The following KCTD9 variants were observed in gnomAD, a reference collection of about 807,000 sequenced individuals.
The protein encoded by KCTD9 is potassium channel tetramerization domain containing 9.
A neutral mutation model predicts 53.3 loss-of-function variants in KCTD9; 17 were observed. The ratio of observed to expected loss-of-function variants is 0.32; its 90% CI spans 0.22 to 0.48. The LOEUF (loss-of-function observed/expected upper bound fraction) is 0.48. Ranked by LOEUF, KCTD9 falls within the 20% of genes least tolerant of loss-of-function variation. The pLI is 0.99. For missense variants in KCTD9, 179 were observed against 465.5 expected, an observed-to-expected ratio of 0.38 and a Z score of 5.66; for synonymous variants, 128 against 162.7, an observed-to-expected ratio of 0.79 and a Z score of 1.62.
In KCTD9 at chr8:25,439,259, G is replaced by C. The variant is rs199536181; in HGVS notation, c.499+20C>G. ...ATGTGAGTAGTTACATAATTATATTGAAAGTCTAAATAAACTCACCCAATA... is the reference window on the plus strand; with the variant it reads ...ATGTGAGTAGTTACATAATTATATTCAAAGTCTAAATAAACTCACCCAATA... On this transcript the variant is annotated intron_variant, in intron 6 of 11. Transcript: ENST00000221200. The C allele has an allele frequency of 6.4e-7, 1 of 1,559,314 alleles. No homozygotes were observed. Among genetic ancestry groups the C allele is most frequent in the East Asian group, 2.3e-5 (1 of 44,074 alleles).
rs1413755291 is a variant in KCTD9 at position 25,429,703 on chromosome 8, T to C, written c.*154A>G. 1.6e-6 allele frequency: 1 copy of C among 612,634 alleles called. No individual in the cohort carries two copies. Among genetic ancestry groups the C allele is most frequent in the Non-Finnish European group, 3.0e-6 (1 of 332,954 alleles). 37.9% of individuals were successfully genotyped at this position (612,634 alleles called of 1,614,324 possible). A position where few individuals can be genotyped will look rare whatever the true frequency, so the allele number is the denominator to read the frequency against. ...TGGAAAAAAAGTCAGTTTTTTCCCT[T>C]ATGCACCACTCAAAACAAGCATAAT... On this transcript the variant is annotated 3_prime_UTR_variant, in exon 12 of 12. Coordinates refer to ENST00000221200, the MANE Select transcript of KCTD9 (RefSeq NM_017634.4).
Position 25,428,339 on chromosome 8 carries a change from G to GT in KCTD9, c.*1517dup, listed in dbSNP as rs928299825. 1 of 152,540 alleles carries GT rather than the reference G, an allele frequency of 6.6e-6. No individual in the cohort carries two copies. Among genetic ancestry groups the GT allele is most frequent in the Non-Finnish European group, 1.5e-5 (1 of 68,002 alleles). The allele number at this position is 152,540 out of a possible 1,614,324, so 9.4% of individuals were successfully genotyped here. On this transcript the variant is annotated 3_prime_UTR_variant, in exon 12 of 12. Transcript: ENST00000221200. ...TTTCTGAAGTTGCTTTCCTTCACTTGTAAAGGTCTGATCTCCTCCCACTAT... is the reference window on the plus strand; with the variant it reads ...TTTCTGAAGTTGCTTTCCTTCACTTGTTAAAGGTCTGATCTCCTCCCACTAT...
At chr8:25,439,686 T>C (rs772834037) in intron 4 of KCTD9, 22 bp from the exon 5 acceptor site, 96 of 1,613,176 alleles carry the variant, frequency 6.0e-5, no homozygotes, top group East Asian at 3.1e-4. Context: ...GGGAAAAAAA[T>C]TGATTTCTCC....
chr8:25,456,071 G>A (rs370344136), intron 1 of KCTD9, among the ~76,000 whole-genome samples: 21 of 152,200 alleles, frequency 1.4e-4, no homozygotes, highest in Non-Finnish European at 2.4e-4. Flanking sequence ...AATTCCTGGC[G>A]AGCATATAAC....
At chr8:25,442,265 T>C (rs1178816713) in intron 3 of KCTD9, among the ~76,000 whole-genome samples, 7 of 152,158 alleles carry the variant, frequency 4.6e-5, no homozygotes, top group Non-Finnish European at 8.8e-5. Context: ...CTACTAAAAT[T>C]ACTGTACTTT....
intron 2 of KCTD9, among the ~76,000 whole-genome samples, chr8:25,445,356 A>T (rs1165169915): frequency 6.6e-6 from 1 of 152,180 alleles, no homozygotes; most frequent in Non-Finnish European, 1.5e-5. Context: ...GCAGTATATT[A>T]TACTGAAAGG....
At chr8:25,445,075 CAAT>C (rs1320519716) in intron 2 of KCTD9, among the ~76,000 whole-genome samples, 2 of 152,280 alleles carry the variant, frequency 1.3e-5, no homozygotes, top group Middle Eastern at 3.4e-3. Flanking sequence ...CATCATCCAA[CAAT>C]GTGACTCAGT....
chr8:25,431,320 C>G (rs1377846252), intron 11 of KCTD9, among the ~76,000 whole-genome samples: 1 of 151,912 alleles, frequency 6.6e-6, no homozygotes, highest in Non-Finnish European at 1.5e-5. Flanking sequence ...TTTTAAAGCC[C>G]CAAAGGTACG....
intron 1 of KCTD9, among the ~76,000 whole-genome samples, chr8:25,449,969 G>T: frequency 6.6e-6 from 1 of 152,138 alleles, no homozygotes. Context: ...GCCATCTTCT[G>T]TTTCTTCCCC....
chr8:25,447,389 C>G (rs1037046976), intron 1 of KCTD9, among the ~76,000 whole-genome samples: 2 of 151,872 alleles, frequency 1.3e-5, no homozygotes, highest in Non-Finnish European at 2.9e-5. Context: ...TCTGTCTCCC[C>G]GCTAAAAAAA....
chr8:25,433,474 T>A, intron 9 of KCTD9, 39 bp from the exon 10 acceptor site: 1 of 1,271,540 alleles, frequency 7.9e-7, no homozygotes, highest in Non-Finnish European at 1.1e-6. Context: ...GTAAGGTTCA[T>A]AATTTTGTTC....
intron 3 of KCTD9, among the ~76,000 whole-genome samples, chr8:25,441,455 C>T (rs908579183): frequency 4.6e-5 from 7 of 151,888 alleles, no homozygotes; most frequent in Middle Eastern, 3.4e-3. Flanking sequence ...CCAGAAATAC[C>T]CACAAAATAG....
intron 10 of KCTD9, among the ~76,000 whole-genome samples, chr8:25,432,906 T>C (rs142437692): frequency 7.1e-4 from 108 of 152,280 alleles, no homozygotes; most frequent in Non-Finnish European, 1.0e-3. Context: ...AGTGAAGTAG[T>C]CTCCTAAATA....
rs752303524 is a variant in KCTD9, at chr8:25,436,334, A to G, written c.568-4T>C. ...GATCCTCCGGTGGTTGAGAATTCTT[A>G]AAAAAGACATTAAGAAATTAGTGGA... On this transcript the variant is annotated splice_region_variant and splice_polypyrimidine_tract_variant and intron_variant, in intron 7 of 11. Coordinates refer to ENST00000221200, the MANE Select transcript of KCTD9 (RefSeq NM_017634.4). The G allele has an allele frequency of 2.5e-5, 41 of 1,609,156 alleles. No homozygotes were observed. Among genetic ancestry groups the G allele is most frequent in the Admixed American group, 3.3e-5 (2 of 59,964 alleles).
At chr8:25,454,033 A>G (rs894888456) in intron 1 of KCTD9, among the ~76,000 whole-genome samples, 2 of 152,070 alleles carry the variant, frequency 1.3e-5, no homozygotes, top group Admixed American at 6.6e-5. Flanking sequence ...TACTAACAAC[A>G]TATTTCTTTT....
At chr8:25,452,916 C>T (rs1441748372) in intron 1 of KCTD9, among the ~76,000 whole-genome samples, 2 of 150,242 alleles carry the variant, frequency 1.3e-5, no homozygotes, top group Non-Finnish European at 1.5e-5. Context: ...CCTGTAGTCG[C>T]AGCACCTTGG....
intron 8 of KCTD9, among the ~76,000 whole-genome samples, chr8:25,435,950 A>G (rs554393391): frequency 3.3e-4 from 51 of 152,330 alleles, no homozygotes; most frequent in Admixed American, 1.4e-3. Context: ...ATCAGCCCAT[A>G]TATTGCAAAT....
chr8:25,453,173 A>G (rs1586439958), intron 1 of KCTD9, among the ~76,000 whole-genome samples: 2 of 152,108 alleles, frequency 1.3e-5, no homozygotes, highest in South Asian at 2.1e-4. Context: ...CCTGACCAAC[A>G]TGGTGAAACC....
In KCTD9 at chr8:25,458,181, C is replaced by G; in HGVS notation, c.48+18G>C. ...GCCCCGACCCCCGGCCCGCCGCGCC[C>G]CCTCACGCCCCCGTTACCTTTCCGT... is the stretch of plus-strand genomic sequence containing the variant. On this transcript the variant is annotated intron_variant, in intron 1 of 11. Coordinates refer to ENST00000221200, the MANE Select transcript of KCTD9 (RefSeq NM_017634.4). 1 of 1,592,362 alleles carries G rather than the reference C, an allele frequency of 6.3e-7. No individual in the cohort carries two copies.
Sources: gnomAD v4.1 joint callset for allele counts (sites outside exome capture counted in the v4.1 genomes callset) on GRCh38, gnomAD v4.1.1 for gene constraint, MANE v1.5 for transcripts, NCBI Gene and HGNC (gene_info 2026-07-23, HGNC 2026-07-21) for gene names.